PLB1: variants seen among roughly 807,000 people sequenced by gnomAD.
The protein encoded by PLB1 is phospholipase B1.
Under a neutral mutation model 227.4 loss-of-function variants are expected in PLB1, and 242 were observed. That is an observed-to-expected ratio of 1.06 (90% confidence interval 0.96 to 1.18). The LOEUF is 1.18. Among genes scored for constraint, PLB1 ranks in the 50% most tolerant of loss-of-function variants. The pLI is 0.00. For missense variants in PLB1, 1,858 were observed against 1,816.3 expected (o/e 1.02, Z -0.42); for synonymous variants, 757 against 682.2 (o/e 1.11, Z -1.71).
chr2:28,605,102 A>G (rs979564176), intron 41 of PLB1, among the ~76,000 whole-genome samples: 1 of 152,218 alleles, frequency 6.6e-6, no homozygotes, highest in Non-Finnish European at 1.5e-5. Context: ...TTAGGAAATA[A>G]GGGACAGGGA....
intron 23 of PLB1, among the ~76,000 whole-genome samples, chr2:28,581,509 ATAAATAAAT>A (rs1679993794): frequency 7.0e-6 from 1 of 143,460 alleles, no homozygotes; most frequent in African/African-American, 2.7e-5. Context: ...AAATAAATAA[ATAAATAAAT>A]AAATAAATAA....
intron 21 of PLB1, among the ~76,000 whole-genome samples, chr2:28,574,381 A>ATCCTT (rs1678557260): frequency 4.6e-5 from 1 of 21,686 alleles, no homozygotes; most frequent in African/African-American, 1.9e-4. Flanking sequence ...CCATTATATC[A>ATCCTT]TTCTTTTTTT....
chr2:28,525,620 G>A (rs1670136861), intron 5 of PLB1, among the ~76,000 whole-genome samples: 2 of 152,174 alleles, frequency 1.3e-5, no homozygotes, highest in Non-Finnish European at 2.9e-5. Context: ...CAGGGCTGGG[G>A]CCAGGCTCAG....
intron 56 of PLB1, among the ~76,000 whole-genome samples, chr2:28,637,366 G>GAGTCT (rs1253261194): frequency 6.6e-6 from 1 of 151,642 alleles, no homozygotes. Flanking sequence ...TATCCCCAGA[G>GAGTCT]AGTCTGACTT....
At chr2:28,531,425 C>T (rs555660419) in intron 8 of PLB1, among the ~76,000 whole-genome samples, 3 of 152,272 alleles carry the variant, frequency 2.0e-5, no homozygotes, top group African/African-American at 7.2e-5. Flanking sequence ...GATTGTCCTG[C>T]CTCAGCCTCC....
intron 31 of PLB1, 57 bp from the exon 32 acceptor site, chr2:28,592,604 A>G (rs1187562567): frequency 3.3e-6 from 5 of 1,533,296 alleles, no homozygotes; most frequent in East Asian, 4.5e-5. Flanking sequence ...CAGAGGCACT[A>G]GAGTGTGACT....
At chr2:28,587,712 C>G (rs549592047) in intron 26 of PLB1, among the ~76,000 whole-genome samples, 1 of 152,328 alleles carries the variant, frequency 6.6e-6, no homozygotes, top group Admixed American at 6.5e-5. Context: ...CTGCCACCTT[C>G]AGCAGAATGG....
chr2:28,630,570 A>T lies in PLB1; in HGVS notation c.3819-16A>T. 1 of 1,610,644 alleles carries T rather than the reference A, an allele frequency of 6.2e-7. No individual in the cohort carries two copies. Among genetic ancestry groups the T allele is most frequent in the Non-Finnish European group, 8.5e-7 (1 of 1,177,578 alleles). Reference sequence around the variant, plus strand: ...GTGCCCCAGGCAGCCTCAATACAACACTCCCTGTCTCACAGGAACAACTGC... The same window carrying T: ...GTGCCCCAGGCAGCCTCAATACAACTCTCCCTGTCTCACAGGAACAACTGC... On this transcript the variant is annotated splice_polypyrimidine_tract_variant and intron_variant, in intron 53 of 57. Transcript: ENST00000327757.
chr2:28,507,369 G>T (rs1400122265), intron 1 of PLB1, among the ~76,000 whole-genome samples: 2 of 152,198 alleles, frequency 1.3e-5, no homozygotes, highest in East Asian at 3.9e-4. Flanking sequence ...GCTGGCATCT[G>T]GTGAGGGCCC....
intron 21 of PLB1, among the ~76,000 whole-genome samples, chr2:28,576,896 A>G (rs919564345): frequency 6.6e-6 from 1 of 152,200 alleles, no homozygotes; most frequent in African/African-American, 2.4e-5. Flanking sequence ...CTAGTGTACT[A>G]TGACTCACAT....
At chr2:28,609,481 C>G (rs184383524) in intron 43 of PLB1, among the ~76,000 whole-genome samples, 1 of 152,128 alleles carries the variant, frequency 6.6e-6, no homozygotes, top group East Asian at 1.9e-4. Flanking sequence ...GTATCATACC[C>G]TATCTTTTCT....
At chr2:28,517,008 C>T (rs1471752814) in intron 2 of PLB1, 139 bp downstream of exon 2, 1 of 803,180 alleles carries the variant, frequency 1.2e-6, no homozygotes, top group Non-Finnish European at 2.0e-6. Flanking sequence ...GGATGAACCG[C>T]TTCCCCCATG....
In PLB1 at chr2:28,598,729, CTCAA is replaced by C. The variant is rs1381980510; in HGVS notation, c.2448_2451del (p.Asn816LysfsTer12). ...TGATGCCAATGACACGAATGCATTC[CTCAA>C]TCAAGCTGTTCCCGGAGCAAAGGCT... On this transcript the variant is annotated frameshift_variant, in exon 35 of 58. Coordinates refer to ENST00000327757, the MANE Select transcript of PLB1 (RefSeq NM_153021.5). LOFTEE classifies it high-confidence loss of function. 5 of 1,614,178 alleles carry C rather than the reference CTCAA, an allele frequency of 3.1e-6. No individual in the cohort carries two copies. Among genetic ancestry groups the C allele is most frequent in the Admixed American group, 1.7e-5 (1 of 60,028 alleles).
chr2:28,541,464 G>A (rs1448312441), intron 12 of PLB1, among the ~76,000 whole-genome samples: 1 of 152,194 alleles, frequency 6.6e-6, no homozygotes, highest in Admixed American at 6.5e-5. Flanking sequence ...AGCTTCCAGA[G>A]AATATATTTT....
chr2:28,496,650 A>G (rs558016595), intron 1 of PLB1, among the ~76,000 whole-genome samples: 3 of 152,206 alleles, frequency 2.0e-5, no homozygotes, highest in Non-Finnish European at 2.9e-5. Context: ...GATTGCCTAC[A>G]TTCTTTAGTG....
At chr2:28,593,818 C>T (rs1682422289) in intron 33 of PLB1, 64 bp downstream of exon 33, 3 of 1,416,342 alleles carry the variant, frequency 2.1e-6, no homozygotes, top group African/African-American at 2.8e-5. Context: ...GTGGCTTTGT[C>T]TCCTGTAAAT....
rs180845253 is a variant in PLB1 at position 28,575,632 on chromosome 2, G to A, written c.1433+2327G>A. Among the ~76,000 whole-genome samples the A allele has an allele frequency of 2.8e-4, 42 of 152,236 alleles. 1 individual carries two copies. In the East Asian group the frequency reaches 6.6e-3, roughly 24 times the overall value. On this transcript the variant is annotated intron_variant, in intron 21 of 57. Transcript: ENST00000327757. ...GTTGCCCAGGCTGGAGTGCAGTGGC[G>A]CGATCTCCACTCCCTGCAACCTCCG...
intron 49 of PLB1, among the ~76,000 whole-genome samples, chr2:28,624,596 C>T (rs1687481923): frequency 2.0e-5 from 3 of 151,512 alleles, no homozygotes. Flanking sequence ...AAAAGAAAAA[C>T]AAAAGGATTA....
At chr2:28,623,326 T>C (rs1293674012) in intron 49 of PLB1, among the ~76,000 whole-genome samples, 1 of 152,098 alleles carries the variant, frequency 6.6e-6, no homozygotes, top group Non-Finnish European at 1.5e-5. Flanking sequence ...AAGTAGGACT[T>C]GGTCTGGGCC....
Sources: gnomAD v4.1 joint callset for allele counts (sites outside exome capture counted in the v4.1 genomes callset) on GRCh38, gnomAD v4.1.1 for gene constraint, MANE v1.5 for transcripts, NCBI Gene and HGNC (gene_info 2026-07-23, HGNC 2026-07-21) for gene names.